The following KIF20B variants were observed in gnomAD, a reference collection of about 807,000 sequenced individuals.
KIF20B encodes kinesin-like protein KIF20B.
KIF20B carries 188 observed loss-of-function variants against 232.5 expected under a neutral mutation model. The observed-to-expected ratio is 0.81, with a 90% CI of 0.72 to 0.91. The LOEUF (loss-of-function observed/expected upper bound fraction) is 0.91, where lower values mean the gene tolerates loss of function less well. Among genes scored for constraint, KIF20B ranks in the 40% least tolerant of loss-of-function variants. The probability of loss-of-function intolerance (pLI) is 0.00; values close to 1 mark genes in which losing one functional copy is unlikely to be tolerated. For synonymous variants in KIF20B, 712 were observed against 683.0 expected (o/e 1.04, Z -0.66); for missense variants, 2,154 against 2,055.9 (o/e 1.05, Z -0.92).
chr10:89,701,895 C>T (rs558941360), intron 1 of KIF20B, among the ~76,000 whole-genome samples: 1 of 152,298 alleles, frequency 6.6e-6, no homozygotes, highest in East Asian at 1.9e-4. Context: ...CGGTTTAAAT[C>T]TCGCCTCCAC....
chr10:89,752,878 GAT>G (rs1030431372), intron 25 of KIF20B, among the ~76,000 whole-genome samples, 187 bp downstream of exon 25: 6 of 152,144 alleles, frequency 3.9e-5, no homozygotes, highest in African/African-American at 1.4e-4. Context: ...GAAATTCCAA[GAT>G]ATAGCCTATT....
At chr10:89,716,947 C>CA (rs1247235559) in intron 9 of KIF20B, among the ~76,000 whole-genome samples, 4 of 151,962 alleles carry the variant, frequency 2.6e-5, no homozygotes, top group Admixed American at 2.0e-4. Context: ...GGATGAGAGG[C>CA]AAAGGAAATA....
intron 8 of KIF20B, among the ~76,000 whole-genome samples, chr10:89,716,083 A>G (rs994960729): frequency 3.9e-5 from 6 of 152,286 alleles, no homozygotes; most frequent in Middle Eastern, 3.4e-3. Context: ...ATAAATTACA[A>G]TCTTCAGTGT....
At chr10:89,705,814 G>A (rs1842710705) in intron 2 of KIF20B, among the ~76,000 whole-genome samples, 1 of 152,280 alleles carries the variant, frequency 6.6e-6, no homozygotes, top group Non-Finnish European at 1.5e-5. Context: ...TTGACTCCTG[G>A]ATTGGCATGA....
intron 21 of KIF20B, among the ~76,000 whole-genome samples, chr10:89,743,471 C>G (rs1230732746): frequency 2.0e-5 from 3 of 152,108 alleles, no homozygotes; most frequent in Admixed American, 6.6e-5. Context: ...ATTTTTCTCT[C>G]AGAATATCTT....
intron 2 of KIF20B, among the ~76,000 whole-genome samples, chr10:89,706,515 G>A (rs996408971): frequency 6.6e-6 from 1 of 151,800 alleles, no homozygotes; most frequent in African/African-American, 2.4e-5. Context: ...ACTTTTTCTA[G>A]AAATTTTAGT....
intron 29 of KIF20B, among the ~76,000 whole-genome samples, chr10:89,764,267 G>A (rs1443636775): frequency 1.3e-5 from 2 of 151,966 alleles, no homozygotes; most frequent in Non-Finnish European, 2.9e-5. Flanking sequence ...TGGTGTATAT[G>A]TGCCACATTT....
intron 18 of KIF20B, among the ~76,000 whole-genome samples, chr10:89,731,393 C>G (rs114805862): frequency 0.017 from 2,551 of 152,200 alleles, 89 homozygotes; most frequent in African/African-American, 0.058. Flanking sequence ...TATCAACTAA[C>G]TTAATACAGT....
intron 8 of KIF20B, 28 bp downstream of exon 8, chr10:89,715,210 T>G: frequency 1.4e-6 from 2 of 1,399,408 alleles, no homozygotes; most frequent in Non-Finnish European, 2.0e-6. Flanking sequence ...TTTATCTTAT[T>G]GCTCTGAAGT....
chr10:89,718,897 CT>C, intron 12 of KIF20B, 25 bp downstream of exon 12: 1 of 1,361,622 alleles, frequency 7.3e-7, no homozygotes, highest in Non-Finnish European at 1.0e-6. Context: ...TATTAAGCCT[CT>C]TATTATTAGA....
chr10:89,722,618 G>A (rs2133103641), intron 13 of KIF20B, among the ~76,000 whole-genome samples: 1 of 152,220 alleles, frequency 6.6e-6, no homozygotes, highest in African/African-American at 2.4e-5. Context: ...GCAGTGAGCC[G>A]AGATCGAGCC....
chr10:89,728,905 TTGTGTGTGTGTGTGTG>T (rs71022581), intron 17 of KIF20B, among the ~76,000 whole-genome samples: 9 of 138,116 alleles, frequency 6.5e-5, no homozygotes, highest in East Asian at 6.2e-4. Flanking sequence ...TCTTTTTTCT[TTGTGTGTGTGTGTGTG>T]TGTGTGTGTG....
At chr10:89,705,064 A>T (rs771390996) in intron 1 of KIF20B, among the ~76,000 whole-genome samples, 21 of 152,236 alleles carry the variant, frequency 1.4e-4, no homozygotes, top group Non-Finnish European at 2.5e-4. Context: ...AATGGATATT[A>T]TATGAAAATA....
At chr10:89,723,900 G>A (rs1843119540) in intron 13 of KIF20B, 64 bp from the exon 14 acceptor site, 1 of 1,211,486 alleles carries the variant, frequency 8.3e-7, no homozygotes, top group Non-Finnish European at 1.1e-6. Context: ...TTGAACAGTT[G>A]GACGGTATTT....
chr10:89,769,431 CAG>C (rs1589887482), intron 31 of KIF20B, among the ~76,000 whole-genome samples: 3 of 151,730 alleles, frequency 2.0e-5, no homozygotes, highest in African/African-American at 4.8e-5. Flanking sequence ...CAAAACAAAA[CAG>C]AACAAAAACA....
At position 89,760,549 on chromosome 10, in the gene KIF20B, G is replaced by T; in HGVS notation, c.4704G>T (p.Lys1568Asn). ...SKIETQIMDI[K>N]PKRISSADPD... ...AGGAAACACAAATCATGGATATCAA[G>T]CCCAAACGTATTAGTTCAGCAGATC... Residue 1568 changes from lysine to asparagine, a missense_variant, in exon 28 of 33, where the codon AAG (lysine) becomes AAT (asparagine). Physicochemically the swap from Lys to Asn is moderately conservative, Grantham distance 94 (BLOSUM62 0). Coordinates refer to ENST00000371728, the MANE Select transcript of KIF20B (RefSeq NM_001284259.2). 6.2e-7 allele frequency: 1 copy of T among 1,612,330 alleles called. No homozygotes were observed.
At chr10:89,705,796 A>G (rs1283890934) in intron 2 of KIF20B, among the ~76,000 whole-genome samples, 1 of 152,182 alleles carries the variant, frequency 6.6e-6, no homozygotes, top group Non-Finnish European at 1.5e-5. Context: ...CTTTACAGAG[A>G]AAATTTATTG....
chr10:89,733,134 G>A (rs1191481327), intron 19 of KIF20B, 78 bp downstream of exon 19: 1 of 1,426,904 alleles, frequency 7.0e-7, no homozygotes, highest in East Asian at 2.3e-5. Flanking sequence ...GCAAACAGAG[G>A]GGCATTCACT....
chr10:89,709,240 A>T lies in KIF20B; in HGVS notation c.221A>T (p.Glu74Val), dbSNP rs1842788806. 6.2e-7 allele frequency: 1 copy of T among 1,608,844 alleles called. No individual in the cohort carries two copies. Among genetic ancestry groups the T allele is most frequent in the East Asian group, 2.2e-5 (1 of 44,780 alleles). Residue 74 changes from glutamate to valine, a missense_variant, in exon 3 of 33, where the codon GAA (glutamate) becomes GTA (valine). Coordinates refer to ENST00000371728, the MANE Select transcript of KIF20B (RefSeq NM_001284259.2). ...AGACCATTTACACAGTCAGAAAAAG[A>T]ACTTGAGTCTGAGGTTTGTGTTGAA... ...RIRPFTQSEK[E>V]LESEGCVHIL...
Sources: allele counts gnomAD v4.1 joint callset (sites outside exome capture counted in the v4.1 genomes callset), GRCh38; gene constraint gnomAD v4.1.1; transcripts MANE v1.5; gene names NCBI Gene and HGNC (gene_info 2026-07-23, HGNC 2026-07-21).